Variants in GABRG3 observed in about 807,000 individuals in gnomAD.
GABRG3 encodes the protein gamma-aminobutyric acid receptor subunit gamma-3.
In GABRG3, 25 loss-of-function variants were observed where a neutral mutation model predicts 48.8. The observed-to-expected ratio is 0.51, with a 90% confidence interval of 0.37 to 0.72. GABRG3 has a LOEUF of 0.72. Among genes scored for constraint, GABRG3 ranks in the 30% least tolerant of loss-of-function variants. The pLI, the probability that GABRG3 is intolerant of heterozygous loss-of-function variation, is 0.00. For synonymous variants in GABRG3, 227 were observed against 217.6 expected (o/e 1.04, Z -0.38); for missense variants, 394 against 577.9 (o/e 0.68, Z 3.26).
At chr15:27,412,925 C>G (rs34554337) in intron 5 of GABRG3, among the ~76,000 whole-genome samples, 2,766 of 152,236 alleles carry the variant, frequency 0.018, 36 homozygotes, top group Non-Finnish European at 0.028. Flanking sequence ...GATATATTTG[C>G]TCTCTTAAAA....
At chr15:27,037,813 G>T (rs1896205288) in intron 3 of GABRG3, among the ~76,000 whole-genome samples, 1 of 152,168 alleles carries the variant, frequency 6.6e-6, no homozygotes, top group Non-Finnish European at 1.5e-5. Flanking sequence ...TCCTTGAAAT[G>T]AAGGAGTCTA....
chr15:27,185,543 A>G (rs536273171), intron 3 of GABRG3, among the ~76,000 whole-genome samples: 2 of 152,274 alleles, frequency 1.3e-5, no homozygotes, highest in South Asian at 4.1e-4. Flanking sequence ...GTATATGTCA[A>G]TTAGGTTCCA....
At chr15:27,251,613 A>C (rs1040586808) in intron 3 of GABRG3, among the ~76,000 whole-genome samples, 2 of 152,212 alleles carry the variant, frequency 1.3e-5, no homozygotes, top group African/African-American at 4.8e-5. Flanking sequence ...CAAATATTAA[A>C]TATTATGTAG....
In GABRG3 at chr15:27,167,679, C is replaced by T. The variant is rs75692534; in HGVS notation, c.270+140858C>T. ...GAGGAAACAGCTGCTCCTCCTCTGACGTCCTCACTCCAGCTAGGCCTCCCA... is the reference window on the plus strand; with the variant it reads ...GAGGAAACAGCTGCTCCTCCTCTGATGTCCTCACTCCAGCTAGGCCTCCCA... On this transcript the variant is annotated intron_variant, in intron 3 of 9. Transcript: ENST00000615808. Among the ~76,000 whole-genome samples the T allele has an allele frequency of 3.9e-4, 60 of 152,326 alleles. No individual in the cohort carries two copies. In the East Asian group the frequency reaches 7.3e-3, roughly 19 times the overall value.
At chr15:27,134,969 T>C (rs1389881781) in intron 3 of GABRG3, among the ~76,000 whole-genome samples, 2 of 152,178 alleles carry the variant, frequency 1.3e-5, no homozygotes, top group African/African-American at 2.4e-5. Context: ...CATTAAGGTG[T>C]TGCCCACGTT....
At position 27,287,737 on chromosome 15, in the gene GABRG3, C is replaced by CTTTTT. The variant is rs61469529; in HGVS notation, c.271-39057_271-39053dup. Among the ~76,000 whole-genome samples the CTTTTT allele has an allele frequency of 8.1e-5, 10 of 123,290 alleles. 1 individual carries two copies. The highest frequency in any genetic ancestry group is 3.3e-4 in the African/African-American group (10 of 29,948). The allele number at this position is 123,290 out of a possible 152,430, so 80.9% of individuals were successfully genotyped here. A position where few individuals can be genotyped will look rare whatever the true frequency, so the allele number is the denominator to read the frequency against. On this transcript the variant is annotated intron_variant, in intron 3 of 9. Transcript: ENST00000615808. ...ATTCATTCAAGATGATTTGCTGTGT[C>CTTTTT]TTTTTTTTTTTTTTTTTTTGAGATG...
In GABRG3 at chr15:27,460,295, A is replaced by G. The variant is rs1198335263; in HGVS notation, c.575-20355A>G. Among the ~76,000 whole-genome samples, 3 of 152,216 alleles carry G rather than the reference A, an allele frequency of 2.0e-5. No homozygotes were observed. The South Asian group carries it at 6.2e-4, about 32-fold the overall frequency. The stretch of plus-strand genomic sequence containing the variant: ...GAGTAAAAACTTTCCACTCCTCTTC[A>G]TGCCACCCGTGTCCCTGCTGGAGGC... On this transcript the variant is annotated intron_variant, in intron 5 of 9. Transcript: ENST00000615808.
chr15:27,162,812 T>G (rs528626586), intron 3 of GABRG3, among the ~76,000 whole-genome samples: 1 of 152,184 alleles, frequency 6.6e-6, no homozygotes, highest in African/African-American at 2.4e-5. Flanking sequence ...CAGCAGAAAA[T>G]TAGCTTGCAC....
At chr15:27,088,585 A>C (rs892991650) in intron 3 of GABRG3, among the ~76,000 whole-genome samples, 7 of 152,254 alleles carry the variant, frequency 4.6e-5, no homozygotes, top group African/African-American at 1.7e-4. Context: ...CCGCAGGCCT[A>C]ACAGCCTGAC....
intron 5 of GABRG3, among the ~76,000 whole-genome samples, chr15:27,414,134 A>G (rs537417702): frequency 5.3e-5 from 8 of 152,348 alleles, no homozygotes; most frequent in African/African-American, 1.4e-4. Context: ...CAAGCTGCCT[A>G]AAGTTTATGG....
Position 26,975,412 on chromosome 15 carries a change from C to T in GABRG3, c.54-1590C>T, listed in dbSNP as rs374300028. Among the ~76,000 whole-genome samples, 6 of 152,238 alleles carry T rather than the reference C, an allele frequency of 3.9e-5. No homozygotes were observed. The East Asian group carries it at 5.8e-4, about 15-fold the overall frequency. On this transcript the variant is annotated intron_variant, in intron 1 of 9. Coordinates refer to ENST00000615808, the MANE Select transcript of GABRG3 (RefSeq NM_033223.5). The surrounding 1 kb of genome is among the most constrained non-coding windows in gnomAD (Gnocchi z 4.6). ...TAGGTACTCAAGAAATAGAGTTATACTTTAAGATCAGCCTAGGAAAAACGT... is the reference window on the plus strand; with the variant it reads ...TAGGTACTCAAGAAATAGAGTTATATTTTAAGATCAGCCTAGGAAAAACGT...
At chr15:27,358,224 C>A (rs1181899815) in intron 5 of GABRG3, among the ~76,000 whole-genome samples, 1 of 152,124 alleles carries the variant, frequency 6.6e-6, no homozygotes, top group African/African-American at 2.4e-5. Context: ...AAAATGGCTA[C>A]CAAACACCCC....
At chr15:27,077,802 A>G (rs1310140891) in intron 3 of GABRG3, among the ~76,000 whole-genome samples, 1 of 152,180 alleles carries the variant, frequency 6.6e-6, no homozygotes, top group Admixed American at 6.5e-5. Flanking sequence ...CTTGTCCTAA[A>G]CAGTATTTAA....
chr15:27,126,591 G>A (rs1320427567), intron 3 of GABRG3, among the ~76,000 whole-genome samples: 3 of 152,198 alleles, frequency 2.0e-5, no homozygotes, highest in Admixed American at 6.5e-5. Context: ...CCAGGCCTGA[G>A]CATTGAATGC....
At chr15:27,445,194 C>T (rs754780729) in intron 5 of GABRG3, among the ~76,000 whole-genome samples, 2 of 152,136 alleles carry the variant, frequency 1.3e-5, no homozygotes, top group Non-Finnish European at 2.9e-5. Context: ...TTTATGTAGA[C>T]ATGTTTTTAT....
chr15:27,308,068 A>G (rs1215217276), intron 3 of GABRG3, among the ~76,000 whole-genome samples: 1 of 123,724 alleles, frequency 8.1e-6, no homozygotes, highest in Non-Finnish European at 1.6e-5. Flanking sequence ...ATATATAAAC[A>G]TATATGTTTA....
intron 5 of GABRG3, among the ~76,000 whole-genome samples, chr15:27,373,635 A>T (rs1895486800): frequency 1.3e-5 from 2 of 152,238 alleles, no homozygotes; most frequent in Non-Finnish European, 2.9e-5. Context: ...TAATTATATT[A>T]ATGGTAATTC....
Position 27,129,089 on chromosome 15 carries a change from T to C in GABRG3, c.270+102268T>C, listed in dbSNP as rs1042506649. 1.1e-4 allele frequency among the ~76,000 whole-genome samples: 17 copies of C among 152,220 alleles called. 1 individual carries two copies. The highest frequency in any genetic ancestry group is 3.6e-4 in the African/African-American group (15 of 41,464). On this transcript the variant is annotated intron_variant, in intron 3 of 9. Coordinates refer to ENST00000615808, the MANE Select transcript of GABRG3 (RefSeq NM_033223.5). ...TGCATATAATATAAAATGTATCATT[T>C]TGAGGGTATAGTTCAGTGTCATTAA...
rs183585804 is a variant in GABRG3 at position 27,458,525 on chromosome 15, G to A, written c.575-22125G>A. Among the ~76,000 whole-genome samples the A allele has an allele frequency of 1.6e-4, 25 of 152,252 alleles. No individual in the cohort carries two copies. The East Asian group carries it at 4.7e-3, about 28-fold the overall frequency. On this transcript the variant is annotated intron_variant, in intron 5 of 9. Coordinates refer to ENST00000615808, the MANE Select transcript of GABRG3 (RefSeq NM_033223.5). ...CGTCAAGTCTGGAGAGGTATCCACA[G>A]CTGCCTCGCAATTTGAGGAGATGCA...
Sources: gnomAD v4.1 joint callset for allele counts (sites outside exome capture counted in the v4.1 genomes callset) on GRCh38, gnomAD v4.1.1 for gene constraint, Gnocchi (gnomAD v3.1) non-coding constraint, MANE v1.5 for transcripts, NCBI Gene and HGNC (gene_info 2026-07-23, HGNC 2026-07-21) for gene names.